AFF2: variants seen among roughly 807,000 people sequenced by gnomAD.
The protein encoded by AFF2 is ALF transcription elongation factor 2.
In AFF2, 14 loss-of-function variants were observed where a neutral mutation model predicts 76.9. The observed-to-expected ratio is 0.18, with a 90% confidence interval of 0.12 to 0.28. The LOEUF (loss-of-function observed/expected upper bound fraction) is 0.28, where lower values mean the gene tolerates loss of function less well. AFF2 is among the 10% of genes least tolerant of loss of function. The pLI is 1.00. For missense variants in AFF2, 868 were observed against 1,001.1 expected (o/e 0.87, Z 1.79); for synonymous variants, 398 against 366.7 (o/e 1.09, Z -0.98).
intron 2 of AFF2, among the ~76,000 whole-genome samples, chrX:148,658,833 A>C (rs1161276038): frequency 8.9e-6 from 1 of 112,340 alleles, no homozygotes; most frequent in African/African-American, 3.2e-5. Flanking sequence ...GCCTTCTATT[A>C]TGTACCTTTG....
At chrX:148,834,351 A>G (rs1557273579) in intron 4 of AFF2, among the ~76,000 whole-genome samples, 3 of 111,516 alleles carry the variant, frequency 2.7e-5, no homozygotes. Context: ...AAGGCTGTGT[A>G]TAAGTGACCT....
chrX:148,802,039 G>C (rs1421162496), intron 3 of AFF2, among the ~76,000 whole-genome samples: 4 of 111,978 alleles, frequency 3.6e-5, no homozygotes, highest in Non-Finnish European at 7.5e-5. Context: ...AGGCTATTGT[G>C]ACCCCATGCT....
chrX:148,854,742 G>T (rs1230331444), intron 7 of AFF2, among the ~76,000 whole-genome samples: 1 of 111,454 alleles, frequency 9.0e-6, no homozygotes, highest in Non-Finnish European at 1.9e-5. Flanking sequence ...GGAACATGAG[G>T]GTGAGTGGCA....
intron 3 of AFF2, among the ~76,000 whole-genome samples, chrX:148,773,077 TA>T (rs2069610483): frequency 9.1e-6 from 1 of 109,854 alleles, no homozygotes; most frequent in South Asian, 3.9e-4. Context: ...AAAATAAAGA[TA>T]AAAAAGAAAG....
chrX:148,680,545 A>G (rs2054535984), intron 3 of AFF2, among the ~76,000 whole-genome samples: 2 of 111,726 alleles, frequency 1.8e-5, no homozygotes, highest in Non-Finnish European at 3.8e-5. Context: ...TAAATTAAAA[A>G]AAAAATCAAC....
chrX:148,836,546 T>G, intron 4 of AFF2, among the ~76,000 whole-genome samples: 1 of 111,147 alleles, frequency 9.0e-6, no homozygotes, highest in East Asian at 2.8e-4. Context: ...TAAATTTTGA[T>G]CCCCTCCATC....
chrX:148,801,860 C>A (rs2070063132), intron 3 of AFF2, among the ~76,000 whole-genome samples: 2 of 111,733 alleles, frequency 1.8e-5, no homozygotes, highest in South Asian at 7.6e-4. Context: ...TCCACCTCTG[C>A]CCCTTCCACT....
chrX:148,702,157 A>T lies in AFF2; in HGVS notation c.1041+39389A>T, dbSNP rs58419019. ...TTTTTATATATTCTACTATAGTTTT[A>T]CTTCAATTCCACTCTAGAATTGGTT... is the stretch of plus-strand genomic sequence containing the variant. On this transcript the variant is annotated intron_variant, in intron 3 of 20. Coordinates refer to ENST00000370460, the MANE Select transcript of AFF2 (RefSeq NM_002025.4). 4.0e-3 allele frequency among the ~76,000 whole-genome samples: 449 copies of T among 111,648 alleles called. 2 individuals are homozygous for T. The highest frequency in any genetic ancestry group is 0.014 in the African/African-American group (440 of 30,702).
intron 1 of AFF2, among the ~76,000 whole-genome samples, chrX:148,630,782 C>T (rs1389940228): frequency 8.9e-6 from 1 of 111,903 alleles, no homozygotes; most frequent in East Asian, 2.8e-4. Context: ...ACAGGTTCCC[C>T]TCTCATGACT....
intron 9 of AFF2, among the ~76,000 whole-genome samples, chrX:148,925,445 C>T (rs1303529080): frequency 2.7e-5 from 3 of 112,526 alleles, no homozygotes; most frequent in Non-Finnish European, 3.8e-5. Flanking sequence ...GTGTGTGTTA[C>T]AGGTACACTT....
At chrX:148,830,869 T>G (rs1484244421) in intron 4 of AFF2, among the ~76,000 whole-genome samples, 1 of 111,154 alleles carries the variant, frequency 9.0e-6, no homozygotes, top group African/African-American at 3.3e-5. Flanking sequence ...GGGAATTTCC[T>G]CATCCTAATA....
chrX:148,782,233 T>TG (rs1557269151), intron 3 of AFF2, among the ~76,000 whole-genome samples: 9 of 112,001 alleles, frequency 8.0e-5, no homozygotes, highest in Non-Finnish European at 1.7e-4. Context: ...CGTGGACATA[T>TG]CTTTTGGGAA....
intron 3 of AFF2, among the ~76,000 whole-genome samples, chrX:148,703,434 G>A (rs782017680): frequency 8.9e-6 from 1 of 111,814 alleles, no homozygotes; most frequent in Non-Finnish European, 1.9e-5. Context: ...TGTTTCCCAC[G>A]TTTCAGGTGT....
chrX:148,970,383 T>G (rs2072235185), intron 15 of AFF2, among the ~76,000 whole-genome samples: 1 of 112,151 alleles, frequency 8.9e-6, no homozygotes, highest in South Asian at 3.7e-4. Flanking sequence ...TTTTGAGAAT[T>G]GAAACTTTCA....
In AFF2 at chrX:148,828,279, A is replaced by G. The variant is rs781817128; in HGVS notation, c.1087-9368A>G. ...TAAGAACTGGCCCTGAAGAAACCCC[A>G]GAATCCTCACATACCTGAACTGGAC... On this transcript the variant is annotated intron_variant, in intron 4 of 20. Coordinates refer to ENST00000370460, the MANE Select transcript of AFF2 (RefSeq NM_002025.4). Among the ~76,000 whole-genome samples the G allele has an allele frequency of 4.5e-5, 5 of 112,327 alleles. No individual in the cohort carries two copies. The South Asian group carries it at 1.1e-3, about 25-fold the overall frequency.
chrX:148,563,467 G>A (rs1165034767), intron 1 of AFF2, among the ~76,000 whole-genome samples: 4 of 111,435 alleles, frequency 3.6e-5, no homozygotes, highest in Non-Finnish European at 7.5e-5. Context: ...TGGAGGTGGA[G>A]TCCACAGAAG....
intron 5 of AFF2, among the ~76,000 whole-genome samples, chrX:148,840,834 GA>G (rs1192952801): frequency 8.9e-6 from 1 of 111,854 alleles, no homozygotes; most frequent in Non-Finnish European, 1.9e-5. Flanking sequence ...TGTAGTTTAA[GA>G]AATGTGAAAT....
rs1433886474 is a variant in AFF2 at position 148,921,767 on chromosome X, A to T, written c.1397+17509A>T. Among the ~76,000 whole-genome samples, 3 of 112,382 alleles carry T rather than the reference A, an allele frequency of 2.7e-5. No homozygotes were observed. In the Admixed American group the frequency reaches 2.8e-4, roughly 11 times the overall value. On this transcript the variant is annotated intron_variant, in intron 9 of 20. Coordinates refer to ENST00000370460, the MANE Select transcript of AFF2 (RefSeq NM_002025.4). ...AAGATAAAATGACTCTATTATGTGG[A>T]TCCTTCTCAAAAGCATTGAACATCT...
chrX:148,752,219 T>A (rs1338230099), intron 3 of AFF2, among the ~76,000 whole-genome samples: 4 of 111,602 alleles, frequency 3.6e-5, no homozygotes, highest in African/African-American at 9.8e-5. Context: ...AGGAATACCA[T>A]CCTATTTTCC....
Sources: gnomAD v4.1 joint callset for allele counts (sites outside exome capture counted in the v4.1 genomes callset) on GRCh38, gnomAD v4.1.1 for gene constraint, MANE v1.5 for transcripts, NCBI Gene and HGNC (gene_info 2026-07-23, HGNC 2026-07-21) for gene names.